DNAH10: variants seen among roughly 807,000 people sequenced by gnomAD.
DNAH10 encodes the protein dynein axonemal heavy chain 10.
Under a neutral mutation model 506.6 loss-of-function variants are expected in DNAH10, and 348 were observed. That is an observed-to-expected ratio of 0.69 (90% CI 0.63 to 0.75). DNAH10 has a LOEUF of 0.75. Ranked by LOEUF, DNAH10 falls within the 30% of genes least tolerant of loss-of-function variation. The pLI is 0.00. For missense variants in DNAH10, 5,179 were observed against 5,787.1 expected (o/e 0.89, Z 3.41); for synonymous variants, 2,059 against 2,198.6 (o/e 0.94, Z 1.78).
intron 52 of DNAH10, among the ~76,000 whole-genome samples, chr12:123,890,638 A>G (rs1952940140): frequency 6.6e-6 from 1 of 152,122 alleles, no homozygotes; most frequent in Non-Finnish European, 1.5e-5. Context: ...ACGAGATTAG[A>G]GGGGAACAGG....
chr12:123,777,573 G>A (rs1426594949), intron 5 of DNAH10, among the ~76,000 whole-genome samples: 1 of 152,198 alleles, frequency 6.6e-6, no homozygotes, highest in Non-Finnish European at 1.5e-5. Context: ...CTCCTTCATC[G>A]GGATGATGTC....
At chr12:123,848,167 C>T (rs1252839384) in intron 33 of DNAH10, 72 bp downstream of exon 33, 2 of 1,543,106 alleles carry the variant, frequency 1.3e-6, no homozygotes, top group Non-Finnish European at 8.7e-7. Flanking sequence ...GGCATTTCAC[C>T]TCCTAGTCTT....
At position 123,914,909 on chromosome 12, in the gene DNAH10, C is replaced by A. The variant is rs769103652; in HGVS notation, c.10632C>A (p.Thr3544=). ...DELSVQNGIL[T]TRASRFPLCI... ...TCTCCGTTCAGAATGGCATCCTCAC[C>A]ACCCGGGCCAGCCGCTTCCCTCTGT... Residue 3544 remains threonine, a synonymous_variant, in exon 62 of 79, where the codon ACC becomes ACA. Transcript: ENST00000673944. The A allele has an allele frequency of 1.2e-6, 2 of 1,613,114 alleles. No individual in the cohort carries two copies. The highest frequency in any genetic ancestry group is 1.7e-6 in the Non-Finnish European group (2 of 1,179,732).
At position 123,784,031 on chromosome 12, in the gene DNAH10, A is replaced by G. The variant is rs750160351; in HGVS notation, c.1084A>G (p.Ile362Val). The G allele has an allele frequency of 6.2e-7, 1 of 1,614,118 alleles. No individual in the cohort carries two copies. The highest frequency in any genetic ancestry group is 8.5e-7 in the Non-Finnish European group (1 of 1,180,054). Residue 362 changes from isoleucine to valine, a missense_variant, in exon 8 of 79, where the codon ATA becomes GTA. Physicochemically the swap from Ile to Val is conservative, Grantham distance 29. Transcript: ENST00000673944. The stretch of plus-strand genomic sequence containing the variant: ...GCTGCATGAACAAACAAAGCTTCCA[A>G]TAGTCAGAAAAGTCTTGGATGTGAT... The part of the protein sequence containing the change: ...SALHEQTKLP[I>V]VRKVLDVIKE...
intron 30 of DNAH10, 44 bp from the exon 31 acceptor site, chr12:123,845,556 C>G (rs1200714847): frequency 6.2e-7 from 1 of 1,603,238 alleles, no homozygotes; most frequent in East Asian, 2.2e-5. Flanking sequence ...GGGTACCAGT[C>G]CCCGGATTGA....
At chr12:123,842,013 G>A (rs1025302981) in intron 30 of DNAH10, among the ~76,000 whole-genome samples, 1 of 152,154 alleles carries the variant, frequency 6.6e-6, no homozygotes, top group African/African-American at 2.4e-5. Flanking sequence ...CTGCCAAAGC[G>A]AGCACAAGAT....
chr12:123,933,428 G>C lies in DNAH10; in HGVS notation c.13394G>C (p.Gly4465Ala). 1 of 1,612,720 alleles carries C rather than the reference G, an allele frequency of 6.2e-7. No homozygotes were observed. Reference sequence around the variant, plus strand: ...GTGCAGGCCACCTGCCGGAAGAACGGCTGGCCACTGGACCGCTCCACCTTG... The same window carrying C: ...GTGCAGGCCACCTGCCGGAAGAACGCCTGGCCACTGGACCGCTCCACCTTG... ...ALVQATCRKN[G>A]WPLDRSTLFT... The change falls in exon 77 of 79, where the codon GGC (glycine) becomes GCC (alanine). Residue 4465 changes from glycine (G) to alanine (A), a missense_variant. This residue lies in a region of DNAH10 where 4,844 missense variants were observed against 5,430.5 expected (regional missense o/e 0.89). Coordinates refer to ENST00000673944, the MANE Select transcript of DNAH10 (RefSeq NM_001372106.1).
intron 47 of DNAH10, among the ~76,000 whole-genome samples, chr12:123,875,834 T>G (rs1034048299): frequency 2.6e-5 from 4 of 152,252 alleles, no homozygotes; most frequent in Admixed American, 2.6e-4. Flanking sequence ...GTCAGTCCCC[T>G]TCTGCTCCGG....
chr12:123,840,196 C>A (rs1950717945), intron 29 of DNAH10, among the ~76,000 whole-genome samples: 1 of 151,948 alleles, frequency 6.6e-6, no homozygotes, highest in East Asian at 1.9e-4. Context: ...CCCCTGGTGG[C>A]AAAATCATCC....
chr12:123,914,709 C>T lies in DNAH10; in HGVS notation c.10575-143C>T, dbSNP rs930077927. 5.1e-5 allele frequency: 72 copies of T among 1,399,602 alleles called. No homozygotes were observed. The Middle Eastern group carries it at 6.4e-4, about 13-fold the overall frequency. 86.7% of individuals were successfully genotyped at this position (1,399,602 alleles called of 1,614,324 possible). The stretch of plus-strand genomic sequence containing the variant: ...GGCCGGGCAAGCTGCAAACCCAGCA[C>T]GGAGCCCTTCTCCCTGGCCTCTGAG... On this transcript the variant is annotated intron_variant, in intron 61 of 78. Coordinates refer to ENST00000673944, the MANE Select transcript of DNAH10 (RefSeq NM_001372106.1).
At chr12:123,777,041 G>A (rs1957467396) in intron 5 of DNAH10, among the ~76,000 whole-genome samples, 1 of 152,176 alleles carries the variant, frequency 6.6e-6, no homozygotes, top group Admixed American at 6.5e-5. Context: ...AGGGTGGCCA[G>A]GAAGACTTCA....
intron 25 of DNAH10, among the ~76,000 whole-genome samples, chr12:123,830,103 C>T (rs918198717): frequency 3.3e-5 from 5 of 152,192 alleles, no homozygotes; most frequent in African/African-American, 1.2e-4. Context: ...AAGCTAGGAG[C>T]CTTGCCCTTG....
chr12:123,796,324 G>A (rs1958275739), intron 12 of DNAH10, among the ~76,000 whole-genome samples: 1 of 152,102 alleles, frequency 6.6e-6, no homozygotes, highest in South Asian at 2.1e-4. Flanking sequence ...GGGCATAGTG[G>A]TGGGCGCCTG....
intron 77 of DNAH10, 85 bp downstream of exon 77, chr12:123,933,596 G>A: frequency 6.8e-7 from 1 of 1,469,304 alleles, no homozygotes. Flanking sequence ...GACAGGCATA[G>A]CGTGGGCCTA....
Position 123,764,711 on chromosome 12 carries a change from C to T in DNAH10, c.214+2161C>T, listed in dbSNP as rs144418022. On this transcript the variant is annotated intron_variant, in intron 1 of 78. Transcript: ENST00000673944. ...CCCTCCAAAGGGAGCTCAGAACTCC[C>T]CCACCCCGCCCCCTGACCCGTTTCT... Among the ~76,000 whole-genome samples the T allele has an allele frequency of 3.5e-4, 54 of 152,266 alleles. No homozygotes were observed. In the East Asian group the frequency reaches 9.3e-3, roughly 26 times the overall value.
chr12:123,924,976 C>A, intron 67 of DNAH10, 74 bp from the exon 68 acceptor site: 1 of 1,571,180 alleles, frequency 6.4e-7, no homozygotes, highest in East Asian at 2.3e-5. Context: ...GTGGCTTTTG[C>A]CACCTTCACA....
intron 11 of DNAH10, among the ~76,000 whole-genome samples, chr12:123,792,705 C>T (rs1234985388): frequency 6.6e-6 from 1 of 152,184 alleles, no homozygotes. Flanking sequence ...AAGTGATCCG[C>T]CTGCCTCAGC....
chr12:123,765,521 C>T (rs766259355), intron 1 of DNAH10, among the ~76,000 whole-genome samples: 1 of 151,656 alleles, frequency 6.6e-6, no homozygotes, highest in Non-Finnish European at 1.5e-5. Flanking sequence ...ACCTACCAAC[C>T]GACTGATCTG....
At chr12:123,869,252 G>A (rs76205663) in intron 43 of DNAH10, among the ~76,000 whole-genome samples, 3,088 of 152,126 alleles carry the variant, frequency 0.02, 86 homozygotes, top group African/African-American at 0.061. Context: ...CTGTTGCCTC[G>A]AGCACCCATA....
Sources: allele counts gnomAD v4.1 joint callset (sites outside exome capture counted in the v4.1 genomes callset), GRCh38; gene constraint gnomAD v4.1.1; regional missense constraint gnomAD v4.1.1; transcripts MANE v1.5; gene names NCBI Gene and HGNC (gene_info 2026-07-23, HGNC 2026-07-21).